RPS3A: variants seen among roughly 807,000 people sequenced by gnomAD.
RPS3A encodes small ribosomal subunit protein eS1.
In RPS3A, 1 loss-of-function variant was observed where a neutral mutation model predicts 26.4. That is an observed-to-expected ratio of 0.04 (90% CI 0.01 to 0.18). The LOEUF (loss-of-function observed/expected upper bound fraction) is 0.18, where lower values mean the gene tolerates loss of function less well. RPS3A is among the 10% of genes least tolerant of loss of function. The pLI is 1.00. For synonymous variants in RPS3A, 97 were observed against 106.1 expected, an observed-to-expected ratio of 0.91 and a Z score of 0.53; for missense variants, 139 against 326.8, an observed-to-expected ratio of 0.43 and a Z score of 4.43.
intron 4 of RPS3A, chr4:151,103,833 T>A (rs752394392): frequency 1.5e-6 from 2 of 1,376,728 alleles, no homozygotes; most frequent in Non-Finnish European, 1.9e-6. Context: ...CGGGAATAAG[T>A]GATGAAAAAA....
At chr4:151,103,924 A>C (rs567028918) in intron 4 of RPS3A, 1 of 1,503,340 alleles carries the variant, frequency 6.7e-7, no homozygotes, top group African/African-American at 1.4e-5. Flanking sequence ...AAGAGGGTGT[A>C]ATGGAAAAAG....
Position 151,103,678 on chromosome 4 carries a change from G to C in RPS3A, c.564-499G>C, listed in dbSNP as rs542870173. 9 of 1,089,594 alleles carry C rather than the reference G, an allele frequency of 8.3e-6. No individual in the cohort carries two copies. In the South Asian group the frequency reaches 1.8e-4, roughly 21 times the overall value. 67.5% of individuals were successfully genotyped at this position (1,089,594 alleles called of 1,614,324 possible). ...GCTACTCAGGAGGCTGAGGTGGTAG[G>C]ATTGTTTGAGCCCAGGAGTTTGAGG... is the stretch of plus-strand genomic sequence containing the variant. On this transcript the variant is annotated intron_variant, in intron 4 of 5. Transcript: ENST00000274065.
Position 151,104,202 on chromosome 4 carries a change from A to C in RPS3A, c.589A>C (p.Ile197Leu). 6.2e-7 allele frequency: 1 copy of C among 1,611,780 alleles called. No individual in the cohort carries two copies. The highest frequency in any genetic ancestry group is 2.2e-5 in the East Asian group (1 of 44,870). ...KLIPDSIGKD[I>L]EKACQSIYPL... ...GATTCCAGACAGCATTGGAAAAGAC[A>C]TAGAAAAGGCTTGCCAATCTATTTA... The change falls in exon 5 of 6, where the codon ATA (isoleucine) becomes CTA (leucine). Residue 197 changes from isoleucine (I) to leucine (L), a missense_variant. Transcript: ENST00000274065.
intron 1 of RPS3A, 115 bp downstream of exon 1, chr4:151,099,829 C>A: frequency 8.5e-7 from 1 of 1,176,222 alleles, no homozygotes; most frequent in African/African-American, 1.5e-5. Context: ...TTGTGCGGGC[C>A]GTGGCGGGTT....
chr4:151,104,439 G>GTCTTTTTTTTTTTT, intron 5 of RPS3A, 33 bp from the exon 6 acceptor site: 1 of 710,330 alleles, frequency 1.4e-6, no homozygotes, highest in Non-Finnish European at 1.8e-6. Flanking sequence ...CAGTTTTTTG[G>GTCTTTTTTTTTTTT]TTTTTTTTTT....
In RPS3A at chr4:151,104,201, C is replaced by T; in HGVS notation, c.588C>T (p.Asp196=). The stretch of plus-strand genomic sequence containing the variant: ...GGATTCCAGACAGCATTGGAAAAGA[C>T]ATAGAAAAGGCTTGCCAATCTATTT... The part of the protein sequence containing the change: ...NKLIPDSIGK[D]IEKACQSIYP... Residue 196 remains aspartate, a synonymous_variant, in exon 5 of 6, where the codon GAC becomes GAT. Transcript: ENST00000274065. 2 of 1,611,482 alleles carry T rather than the reference C, an allele frequency of 1.2e-6. No individual in the cohort carries two copies. Among genetic ancestry groups the T allele is most frequent in the Non-Finnish European group, 1.7e-6 (2 of 1,179,394 alleles).
At chr4:151,099,755 T>G in intron 1 of RPS3A, 41 bp downstream of exon 1, 1 of 1,584,726 alleles carries the variant, frequency 6.3e-7, no homozygotes, top group Non-Finnish European at 8.6e-7. Flanking sequence ...TTTGGGGGTC[T>G]GCTGGAATCG....
chr4:151,104,434 T>C (rs2149705477), intron 5 of RPS3A, 38 bp from the exon 6 acceptor site: 1 of 1,401,192 alleles, frequency 7.1e-7, no homozygotes, highest in Non-Finnish European at 9.4e-7. Flanking sequence ...ACTAACAGTT[T>C]TTTGGTTTTT....
intron 5 of RPS3A, 46 bp downstream of exon 5, chr4:151,104,332 T>A: frequency 6.3e-7 from 1 of 1,594,958 alleles, no homozygotes. Context: ...ATACATTGTT[T>A]TTGGGTGGAG....
chr4:151,104,543 A>G lies in RPS3A; in HGVS notation c.745A>G (p.Lys249Glu). 6.4e-7 allele frequency: 1 copy of G among 1,563,616 alleles called. No individual in the cohort carries two copies. Among genetic ancestry groups the G allele is most frequent in the Non-Finnish European group, 8.5e-7 (1 of 1,170,036 alleles). Residue 249 changes from lysine (K) to glutamate (E), a missense_variant, in exon 6 of 6, where the codon AAA becomes GAA. Physicochemically the swap from Lys to Glu is moderately conservative, Grantham distance 56. Transcript: ENST00000274065. ...AGCCACTGGGGACGAGACAGGTGCT[A>G]AAGTTGAACGAGCTGATGGATATGA... is the stretch of plus-strand genomic sequence containing the variant. ...GKATGDETGA[K>E]VERADGYEPP...
chr4:151,100,965 TC>T lies in RPS3A; in HGVS notation c.167-9del, dbSNP rs764654918. The T allele has an allele frequency of 5.8e-6, 9 of 1,562,662 alleles. No homozygotes were observed. In the African/African-American group the frequency reaches 9.5e-5, roughly 16 times the overall value. The stretch of plus-strand genomic sequence containing the variant: ...CTAAATGTTAAGATACTTGTTTTTT[TC>T]TTTTGTAGAAATTGCATCTGATGGT... On this transcript the variant is annotated splice_polypyrimidine_tract_variant and intron_variant, in intron 2 of 5. Transcript: ENST00000274065.
At chr4:151,104,365 GGCCTTCTTTTTCTT>G in intron 5 of RPS3A, 79 bp downstream of exon 5, 2 of 1,525,810 alleles carry the variant, frequency 1.3e-6, no homozygotes, top group Non-Finnish European at 1.8e-6. Context: ...GCCATATCAT[GGCCTTCTTTTTCTT>G]CCTGTCATGC....
chr4:151,103,261 ATTATTTGAGT>A (rs1747211693), intron 4 of RPS3A, 182 bp downstream of exon 4: 1 of 1,187,480 alleles, frequency 8.4e-7, no homozygotes, highest in African/African-American at 1.5e-5. Flanking sequence ...TATTACTATT[ATTATTTGAGT>A]CAGAGTCTTG....
At chr4:151,102,200 G>GT (rs199677888) in intron 3 of RPS3A, 4,696 of 353,586 alleles carry the variant, frequency 0.013, 141 homozygotes, top group African/African-American at 0.082. Flanking sequence ...TATTTGATTA[G>GT]TTTTTTTTTA....
At chr4:151,103,276 G>GCAAGAC in intron 4 of RPS3A, 197 bp downstream of exon 4, 2 of 1,098,312 alleles carry the variant, frequency 1.8e-6, no homozygotes, top group Non-Finnish European at 1.2e-6. Context: ...TTGAGTCAGA[G>GCAAGAC]TCTTGCTCTG....
In RPS3A at chr4:151,104,025, T is replaced by C. The variant is rs1261356054; in HGVS notation, c.564-152T>C. On this transcript the variant is annotated intron_variant, in intron 4 of 5. Transcript: ENST00000274065. ...CTATCCTTTACATGTGAAAGGTAAA[T>C]AATGGCTTATCTTAACAGGAGGATT... 4.7e-6 allele frequency: 7 copies of C among 1,489,948 alleles called. No individual in the cohort carries two copies. The East Asian group carries it at 7.3e-5, about 16-fold the overall frequency. The allele number at this position is 1,489,948 out of a possible 1,614,324, so 92.3% of individuals were successfully genotyped here. A position where few individuals can be genotyped will look rare whatever the true frequency, so the allele number is the denominator to read the frequency against.
At chr4:151,099,746 T>C (rs771848821) in intron 1 of RPS3A, 32 bp downstream of exon 1, 4 of 1,599,240 alleles carry the variant, frequency 2.5e-6, no homozygotes, top group South Asian at 2.2e-5. Flanking sequence ...GTCTTGCTTT[T>C]TGGGGGTCTG....
chr4:151,104,448 T>TTTTG, intron 5 of RPS3A, 24 bp from the exon 6 acceptor site: 2 of 1,388,872 alleles, frequency 1.4e-6, no homozygotes, highest in East Asian at 2.7e-5. Flanking sequence ...GGTTTTTTTT[T>TTTTG]TTTTTTTTTT....
At chr4:151,104,348 G>A in intron 5 of RPS3A, 62 bp downstream of exon 5, 1 of 1,565,646 alleles carries the variant, frequency 6.4e-7, no homozygotes, top group Non-Finnish European at 8.6e-7. Context: ...TGGAGGAGGA[G>A]TGTGGGGCCA....
Sources: gnomAD v4.1 joint callset for allele counts on GRCh38, gnomAD v4.1.1 for gene constraint, MANE v1.5 for transcripts, NCBI Gene and HGNC (gene_info 2026-07-23, HGNC 2026-07-21) for gene names.